Variants in MSRA observed in about 807,000 individuals in gnomAD.
MSRA encodes mitochondrial peptide methionine sulfoxide reductase.
Under a neutral mutation model 31.3 loss-of-function variants are expected in MSRA, and 54 were observed. The observed-to-expected ratio is 1.73, with a 90% CI of 1.39 to 2.17. The LOEUF is 2.17. Ranked by LOEUF, MSRA falls within the 30% of genes most tolerant of loss-of-function variation. The probability of loss-of-function intolerance (pLI) is 0.00; values close to 1 mark genes in which losing one functional copy is unlikely to be tolerated. For synonymous variants in MSRA, 169 were observed against 116.5 expected, an observed-to-expected ratio of 1.45 and a Z score of -2.90; for missense variants, 507 against 300.9, an observed-to-expected ratio of 1.69 and a Z score of -5.07.
At chr8:10,059,910 T>C (rs1482616983) in intron 1 of MSRA, among the ~76,000 whole-genome samples, 1 of 152,194 alleles carries the variant, frequency 6.6e-6, no homozygotes, top group African/African-American at 2.4e-5. Flanking sequence ...AGAATGCAAA[T>C]ACCATTTTTC....
At chr8:10,338,040 A>C (rs1803167271) in intron 5 of MSRA, among the ~76,000 whole-genome samples, 2 of 152,228 alleles carry the variant, frequency 1.3e-5, no homozygotes, top group Non-Finnish European at 2.9e-5. Context: ...AGAGCAGCCA[A>C]AGAAAAAAAT....
chr8:10,248,716 A>G (rs1259987774), intron 3 of MSRA, among the ~76,000 whole-genome samples: 2 of 152,206 alleles, frequency 1.3e-5, no homozygotes, highest in African/African-American at 2.4e-5. Flanking sequence ...AAAAGATAAC[A>G]TGGCTTCTCA....
At chr8:10,309,916 G>A (rs955626556) in intron 4 of MSRA, among the ~76,000 whole-genome samples, 7 of 152,198 alleles carry the variant, frequency 4.6e-5, no homozygotes, top group African/African-American at 1.7e-4. Flanking sequence ...CTCTTTCCAG[G>A]TGCACTGTGG....
At chr8:10,271,908 G>T (rs1270063167) in intron 3 of MSRA, among the ~76,000 whole-genome samples, 2 of 152,120 alleles carry the variant, frequency 1.3e-5, no homozygotes, top group Non-Finnish European at 2.9e-5. Context: ...AGTAAAGACA[G>T]AGTTGGTCAG....
At chr8:10,130,541 G>A (rs1052172061) in intron 1 of MSRA, among the ~76,000 whole-genome samples, 1 of 152,192 alleles carries the variant, frequency 6.6e-6, no homozygotes, top group Admixed American at 6.5e-5. Context: ...TCACTGGGAA[G>A]CTATTAGACA....
In MSRA at chr8:10,425,664, G is replaced by GCGGCA. The variant is rs1809110491; in HGVS notation, c.544-2483_544-2482insGGCAC. 3.3e-5 allele frequency among the ~76,000 whole-genome samples: 5 copies of GCGGCA among 152,360 alleles called. No individual in the cohort carries two copies. In the South Asian group the frequency reaches 1.0e-3, roughly 32 times the overall value. On this transcript the variant is annotated intron_variant, in intron 5 of 5. Transcript: ENST00000317173. ...GGACGCCTCCAGTACGCAGGCACAG[G>GCGGCA]CAGCTCAGGGCCGGGAGCGAGGCCC...
intron 3 of MSRA, among the ~76,000 whole-genome samples, chr8:10,260,792 C>T (rs35886862): frequency 0.27 from 41,011 of 152,024 alleles, 5,680 homozygotes; most frequent in Middle Eastern, 0.39. Context: ...AGAGGACTTA[C>T]CTTTAATTCA....
chr8:10,390,441 G>A (rs549022849), intron 5 of MSRA, among the ~76,000 whole-genome samples: 29 of 152,312 alleles, frequency 1.9e-4, no homozygotes, highest in African/African-American at 6.5e-4. Context: ...AGGGCCACTG[G>A]CACTTGCCTC....
At chr8:10,269,436 G>A (rs933010115) in intron 3 of MSRA, among the ~76,000 whole-genome samples, 1 of 152,194 alleles carries the variant, frequency 6.6e-6, no homozygotes, top group Non-Finnish European at 1.5e-5. Flanking sequence ...CTGATTACTC[G>A]ATCACTTCTG....
chr8:10,396,473 A>C lies in MSRA; in HGVS notation c.544-31675A>C, dbSNP rs369237066. Among the ~76,000 whole-genome samples, 5 of 152,366 alleles carry C rather than the reference A, an allele frequency of 3.3e-5. No individual in the cohort carries two copies. The South Asian group carries it at 1.0e-3, about 32-fold the overall frequency. On this transcript the variant is annotated intron_variant, in intron 5 of 5. Coordinates refer to ENST00000317173, the MANE Select transcript of MSRA (RefSeq NM_012331.5). ...AATGTTATGGCAAAAATGAGATAGA[A>C]AATGGATTTTTGAAGATTCTGCACT...
At chr8:10,077,014 C>T (rs1798026169) in intron 1 of MSRA, among the ~76,000 whole-genome samples, 1 of 145,362 alleles carries the variant, frequency 6.9e-6, no homozygotes, top group South Asian at 2.2e-4. Flanking sequence ...ATGTAATAAA[C>T]CTGCACATCC....
chr8:10,410,569 T>C (rs1162471456), intron 5 of MSRA, among the ~76,000 whole-genome samples: 3 of 152,202 alleles, frequency 2.0e-5, no homozygotes, highest in East Asian at 3.8e-4. Flanking sequence ...GTAGATATCT[T>C]ATCCCCCTCT....
intron 2 of MSRA, among the ~76,000 whole-genome samples, chr8:10,220,084 G>A (rs530707731): frequency 3.0e-4 from 45 of 152,052 alleles, no homozygotes; most frequent in Admixed American, 7.9e-4. Context: ...AAGAACCTGT[G>A]AACTTTCCCT....
At chr8:10,109,746 A>G (rs974198272) in intron 1 of MSRA, among the ~76,000 whole-genome samples, 12 of 152,204 alleles carry the variant, frequency 7.9e-5, no homozygotes, top group Non-Finnish European at 4.4e-5. Flanking sequence ...AGTTTATATG[A>G]TGAAGCATTT....
chr8:10,242,208 T>G (rs932034276), intron 2 of MSRA, among the ~76,000 whole-genome samples: 3 of 151,268 alleles, frequency 2.0e-5, no homozygotes, highest in African/African-American at 2.4e-5. Context: ...GAGGTGGAGG[T>G]TGCAGTGAGC....
intron 1 of MSRA, among the ~76,000 whole-genome samples, chr8:10,084,731 G>A (rs1333840735): frequency 6.6e-6 from 1 of 152,202 alleles, no homozygotes; most frequent in Non-Finnish European, 1.5e-5. Context: ...AGAACACTGT[G>A]TGGCTATAGT....
chr8:10,101,048 C>T (rs1305345155), intron 1 of MSRA, among the ~76,000 whole-genome samples: 1 of 152,116 alleles, frequency 6.6e-6, no homozygotes, highest in Non-Finnish European at 1.5e-5. Context: ...AGTGTTTCAC[C>T]TTAGCTGTAT....
At chr8:10,361,515 C>T (rs918104110) in intron 5 of MSRA, among the ~76,000 whole-genome samples, 4 of 152,148 alleles carry the variant, frequency 2.6e-5, no homozygotes, top group Non-Finnish European at 4.4e-5. Context: ...CTCATACGTC[C>T]TGGGTTTTAG....
At chr8:10,347,954 G>A (rs1803888566) in intron 5 of MSRA, among the ~76,000 whole-genome samples, 1 of 152,168 alleles carries the variant, frequency 6.6e-6, no homozygotes, top group African/African-American at 2.4e-5. Context: ...TTCCCTTACT[G>A]AACTAAGCTC....
Sources: allele counts gnomAD v4.1 joint callset (sites outside exome capture counted in the v4.1 genomes callset), GRCh38; gene constraint gnomAD v4.1.1; transcripts MANE v1.5; gene names NCBI Gene and HGNC (gene_info 2026-07-23, HGNC 2026-07-21).